The following TRPM6 variants were observed in gnomAD, a reference collection of about 807,000 sequenced individuals.
The protein encoded by TRPM6 is channel kinase 2.
TRPM6 carries 111 observed loss-of-function variants against 247.6 expected under a neutral mutation model. That is an observed-to-expected ratio of 0.45 (90% CI 0.38 to 0.52). The LOEUF (loss-of-function observed/expected upper bound fraction) is 0.52. TRPM6 is among the 20% of genes least tolerant of loss of function. TRPM6 has a pLI of 0.00. For synonymous variants in TRPM6, 892 were observed against 853.8 expected (o/e 1.04, Z -0.78); for missense variants, 2,126 against 2,421.5 (o/e 0.88, Z 2.56).
At position 74,840,220 on chromosome 9, in the gene TRPM6, A is replaced by G. The variant is rs1308077755; in HGVS notation, c.348T>C (p.Tyr116=). ...GTAACAGATGATCCAGTTTTGTATCATAAGAAGTTCTAATATACTGCAAGA... is the reference window on the plus strand; with the variant it reads ...GTAACAGATGATCCAGTTTTGTATCGTAAGAAGTTCTAATATACTGCAAGA... ...THHAKYIRTS[Y]DTKLDHLLHL... Residue 116 remains tyrosine, a synonymous_variant, in exon 5 of 39, where the codon TAT becomes TAC. Transcript: ENST00000360774. 3 of 1,613,056 alleles carry G rather than the reference A, an allele frequency of 1.9e-6. No individual in the cohort carries two copies. The South Asian group carries it at 3.3e-5, about 18-fold the overall frequency.
chr9:74,766,175 AG>A (rs1826819156), intron 25 of TRPM6, among the ~76,000 whole-genome samples: 2 of 152,244 alleles, frequency 1.3e-5, no homozygotes, highest in South Asian at 4.1e-4. Context: ...AACTATTCAC[AG>A]CCACAGGTAA....
chr9:74,771,949 T>C, intron 24 of TRPM6, 114 bp from the exon 25 acceptor site: 2 of 977,156 alleles, frequency 2.0e-6, no homozygotes, highest in Non-Finnish European at 3.2e-6. Context: ...GATAAGTTTG[T>C]CACCTTGTCA....
At chr9:74,828,176 A>AC (rs1219132895) in intron 6 of TRPM6, among the ~76,000 whole-genome samples, 2 of 151,444 alleles carry the variant, frequency 1.3e-5, no homozygotes, top group Admixed American at 6.6e-5. Flanking sequence ...ACACGGTGAA[A>AC]CCCCATCTCT....
chr9:74,760,330 G>A (rs1826581229), intron 27 of TRPM6, among the ~76,000 whole-genome samples: 1 of 152,108 alleles, frequency 6.6e-6, no homozygotes, highest in African/African-American at 2.4e-5. Flanking sequence ...GATATGCTTA[G>A]ATACACAAAT....
intron 28 of TRPM6, among the ~76,000 whole-genome samples, chr9:74,754,140 C>A (rs759972102): frequency 6.6e-6 from 1 of 151,802 alleles, no homozygotes; most frequent in Non-Finnish European, 1.5e-5. Flanking sequence ...GTCCTGGAGT[C>A]ATGTCTTTAG....
Position 74,724,600 on chromosome 9 carries a change from T to C in TRPM6, c.*13A>G. ...GGCAGGGCAAGCACTGGGATCTTCT[T>C]GCTCCTCCCTTTTTATAGTTGCATA... On this transcript the variant is annotated 3_prime_UTR_variant, in exon 39 of 39. Coordinates refer to ENST00000360774, the MANE Select transcript of TRPM6 (RefSeq NM_017662.5). 1.9e-6 allele frequency: 3 copies of C among 1,614,150 alleles called. No individual in the cohort carries two copies. Among genetic ancestry groups the C allele is most frequent in the Non-Finnish European group, 2.5e-6 (3 of 1,180,012 alleles).
chr9:74,772,803 T>C (rs948825276), intron 24 of TRPM6, among the ~76,000 whole-genome samples: 1 of 151,254 alleles, frequency 6.6e-6, no homozygotes, highest in Non-Finnish European at 1.5e-5. Flanking sequence ...AGATCAGGAG[T>C]TCAAGACCAG....
intron 30 of TRPM6, among the ~76,000 whole-genome samples, chr9:74,749,385 A>G (rs984764151): frequency 1.3e-5 from 2 of 152,228 alleles, no homozygotes. Context: ...ATCCTAAGCT[A>G]ATTGAAAAGC....
chr9:74,755,281 A>G (rs1256858829), intron 28 of TRPM6, 72 bp downstream of exon 28: 7 of 1,526,974 alleles, frequency 4.6e-6, no homozygotes, highest in Non-Finnish European at 6.3e-6. Flanking sequence ...GGAACCGCCA[A>G]TGGTCTAAAG....
chr9:74,848,305 A>G (rs918991965), intron 3 of TRPM6, among the ~76,000 whole-genome samples: 5 of 152,170 alleles, frequency 3.3e-5, no homozygotes, highest in South Asian at 4.1e-4. Flanking sequence ...GGTTACTTGG[A>G]TTCAAGTACT....
chr9:74,844,972 A>G (rs1830060201), intron 3 of TRPM6, among the ~76,000 whole-genome samples: 1 of 152,210 alleles, frequency 6.6e-6, no homozygotes, highest in African/African-American at 2.4e-5. Flanking sequence ...AGGGAGAGAG[A>G]CAGGATCGGT....
intron 23 of TRPM6, 24 bp downstream of exon 23, chr9:74,782,338 T>A (rs1196780640): frequency 6.7e-7 from 1 of 1,502,952 alleles, no homozygotes; most frequent in South Asian, 1.1e-5. Flanking sequence ...ATTTAAATAA[T>A]CATATTTAAT....
At chr9:74,758,263 T>C (rs1587475178) in intron 27 of TRPM6, among the ~76,000 whole-genome samples, 1 of 152,246 alleles carries the variant, frequency 6.6e-6, no homozygotes, top group Non-Finnish European at 1.5e-5. Context: ...AGGGAATACT[T>C]CCCAACTCAC....
chr9:74,820,471 A>G, intron 8 of TRPM6, 44 bp from the exon 9 acceptor site: 1 of 1,612,776 alleles, frequency 6.2e-7, no homozygotes, highest in South Asian at 1.1e-5. Context: ...AGAGAGGGGA[A>G]TGAGCCGGCA....
At chr9:74,820,670 G>A (rs1564029960) in intron 8 of TRPM6, among the ~76,000 whole-genome samples, 1 of 152,178 alleles carries the variant, frequency 6.6e-6, no homozygotes, top group Non-Finnish European at 1.5e-5. Flanking sequence ...GGGAGTCCCA[G>A]GTGGAGGATC....
chr9:74,730,244 A>G (rs1327898444), intron 37 of TRPM6, among the ~76,000 whole-genome samples: 2 of 152,238 alleles, frequency 1.3e-5, no homozygotes, highest in African/African-American at 4.8e-5. Flanking sequence ...ACATCTCATC[A>G]TCGTTTCATA....
intron 25 of TRPM6, among the ~76,000 whole-genome samples, chr9:74,769,958 A>C (rs1826975086): frequency 6.6e-6 from 1 of 152,198 alleles, no homozygotes; most frequent in African/African-American, 2.4e-5. Flanking sequence ...GGACTCAATG[A>C]GCATAGCTAT....
rs1272884552 is a variant in TRPM6, at chr9:74,821,608, G to T, written c.1010+61C>A. On this transcript the variant is annotated intron_variant, in intron 8 of 38. Coordinates refer to ENST00000360774, the MANE Select transcript of TRPM6 (RefSeq NM_017662.5). ...GGCTCACATAAATGCACAGCCAAAA[G>T]AACTAAAATGGAGGAATAAACAGCC... The T allele has an allele frequency of 2.5e-6, 4 of 1,586,522 alleles. No individual in the cohort carries two copies. The African/African-American group carries it at 5.4e-5, about 21-fold the overall frequency.
At chr9:74,733,885 A>C (rs1825606639) in intron 36 of TRPM6, among the ~76,000 whole-genome samples, 1 of 152,204 alleles carries the variant, frequency 6.6e-6, no homozygotes, top group South Asian at 2.1e-4. Flanking sequence ...TTCTACTTAT[A>C]AACAGTAGAA....
Sources: gnomAD v4.1 joint callset for allele counts (sites outside exome capture counted in the v4.1 genomes callset) on GRCh38, gnomAD v4.1.1 for gene constraint, MANE v1.5 for transcripts, NCBI Gene and HGNC (gene_info 2026-07-23, HGNC 2026-07-21) for gene names.